MKRN1: variants seen among roughly 807,000 people sequenced by gnomAD.
MKRN1 encodes makorin ring finger protein 1, also known as E3 ubiquitin-protein ligase makorin-1.
In MKRN1, 9 loss-of-function variants were observed where a neutral mutation model predicts 55.5. The observed-to-expected ratio is 0.16, with a 90% CI of 0.10 to 0.28. The LOEUF (loss-of-function observed/expected upper bound fraction) is 0.28. Ranked by LOEUF, MKRN1 falls within the 10% of genes least tolerant of loss-of-function variation. The pLI is 1.00. For synonymous variants in MKRN1, 253 were observed against 235.9 expected (o/e 1.07, Z -0.66); for missense variants, 488 against 626.7 (o/e 0.78, Z 2.36).
chr7:140,474,965 T>C lies in MKRN1; in HGVS notation c.186-2954A>G, dbSNP rs188050998. On this transcript the variant is annotated intron_variant, in intron 1 of 7. Transcript: ENST00000255977. Reference sequence around the variant, plus strand: ...AACTCCTGACCTCAAGTGATCCACCTGCCTTGGCCTCCCAAAGTACTAGAA... The same window carrying C: ...AACTCCTGACCTCAAGTGATCCACCCGCCTTGGCCTCCCAAAGTACTAGAA... Among the ~76,000 whole-genome samples, 199 of 151,842 alleles carry C rather than the reference T, an allele frequency of 1.3e-3. 1 individual carries two copies. The highest frequency in any genetic ancestry group is 4.5e-3 in the African/African-American group (187 of 41,502).
intron 3 of MKRN1, among the ~76,000 whole-genome samples, chr7:140,459,467 T>C (rs1585468335): frequency 6.6e-6 from 1 of 152,338 alleles, no homozygotes; most frequent in East Asian, 1.9e-4. Flanking sequence ...GTAACTGAAA[T>C]TTAATTTCAA....
At chr7:140,474,005 A>AGAAAG (rs1554450296) in intron 1 of MKRN1, among the ~76,000 whole-genome samples, 2 of 65,658 alleles carry the variant, frequency 3.0e-5, no homozygotes, top group African/African-American at 9.6e-5. Flanking sequence ...AAAAAAAAAA[A>AGAAAG]AAAGAAAGAA....
Position 140,459,918 on chromosome 7 carries a change from T to C in MKRN1, c.333A>G (p.Pro111=). ...GDRCRYEHSK[P]LKQEEATATE... Reference sequence around the variant, plus strand: ...TAGCAGTTGCTTCTTCCTGTTTCAATGGTTTGCTATGTTCATATCTAAGAA... The same window carrying C: ...TAGCAGTTGCTTCTTCCTGTTTCAACGGTTTGCTATGTTCATATCTAAGAA... The change falls in exon 3 of 8, where the codon CCA becomes CCG. Residue 111 remains proline, a synonymous_variant. Coordinates refer to ENST00000255977, the MANE Select transcript of MKRN1 (RefSeq NM_013446.4). 1 of 1,613,838 alleles carries C rather than the reference T, an allele frequency of 6.2e-7. No individual in the cohort carries two copies. Among genetic ancestry groups the C allele is most frequent in the Non-Finnish European group, 8.5e-7 (1 of 1,179,798 alleles).
intron 2 of MKRN1, among the ~76,000 whole-genome samples, chr7:140,463,694 G>A (rs1266892534): frequency 2.6e-5 from 4 of 151,910 alleles, no homozygotes; most frequent in Admixed American, 1.3e-4. Flanking sequence ...GACCATCCTG[G>A]CTAACACGGT....
At chr7:140,467,499 A>G (rs1485110495) in intron 2 of MKRN1, among the ~76,000 whole-genome samples, 1 of 151,768 alleles carries the variant, frequency 6.6e-6, no homozygotes, top group African/African-American at 2.4e-5. Context: ...GCTGGTCTTG[A>G]AATCCTGACC....
chr7:140,456,113 C>CTTT (rs57991505), intron 5 of MKRN1: 226 of 845,174 alleles, frequency 2.7e-4, no homozygotes, highest in Non-Finnish European at 3.0e-4. Context: ...CTAGCCAGTT[C>CTTT]TTTTTTTTTT....
intron 2 of MKRN1, 52 bp downstream of exon 2, chr7:140,471,831 T>C (rs369383734): frequency 1.9e-6 from 3 of 1,594,588 alleles, no homozygotes; most frequent in African/African-American, 2.7e-5. Context: ...AGTATGTCTT[T>C]TACCTTTTTC....
At chr7:140,467,943 G>A (rs1281200975) in intron 2 of MKRN1, among the ~76,000 whole-genome samples, 2 of 149,858 alleles carry the variant, frequency 1.3e-5, no homozygotes, top group East Asian at 2.0e-4. Flanking sequence ...TGGAGGTTGC[G>A]GTGAGCCGAG....
chr7:140,471,195 G>A (rs1285273977), intron 2 of MKRN1, among the ~76,000 whole-genome samples: 6 of 151,988 alleles, frequency 3.9e-5, no homozygotes, highest in Admixed American at 3.3e-4. Context: ...ACCAGCCTAC[G>A]CAACATATTA....
chr7:140,459,466 A>T (rs558210742), intron 3 of MKRN1, among the ~76,000 whole-genome samples: 1 of 152,296 alleles, frequency 6.6e-6, no homozygotes, highest in South Asian at 2.1e-4. Flanking sequence ...GGTAACTGAA[A>T]TTTAATTTCA....
At chr7:140,473,400 G>A (rs1794993327) in intron 1 of MKRN1, 3 of 347,780 alleles carry the variant, frequency 8.6e-6, no homozygotes, top group Middle Eastern at 3.9e-4. Flanking sequence ...CCTAATAGTG[G>A]CCCCCAACAT....
chr7:140,472,691 G>C (rs1382946730), intron 1 of MKRN1, among the ~76,000 whole-genome samples: 2 of 151,516 alleles, frequency 1.3e-5, no homozygotes, highest in African/African-American at 4.8e-5. Context: ...CCTGGCCCTT[G>C]TTTTTGCATT....
rs1794398502 is a variant in MKRN1 at position 140,453,957 on chromosome 7, C to T, written c.*560G>A. The T allele has an allele frequency of 6.2e-6, 1 of 160,266 alleles. No individual in the cohort carries two copies. The highest frequency in any genetic ancestry group is 1.4e-5 in the Non-Finnish European group (1 of 71,600). 9.9% of individuals were successfully genotyped at this position (160,266 alleles called of 1,614,324 possible). ...TGATTCTGGTTACCCAGTAGTATTA[C>T]TTGTGTGCAATTAAACAAGAGACCA... is the stretch of plus-strand genomic sequence containing the variant. On this transcript the variant is annotated 3_prime_UTR_variant, in exon 8 of 8. Transcript: ENST00000255977.
Position 140,456,633 on chromosome 7 carries a change from G to T in MKRN1, c.986+19C>A. The T allele has an allele frequency of 6.2e-7, 1 of 1,612,068 alleles. No homozygotes were observed. The highest frequency in any genetic ancestry group is 1.1e-5 in the South Asian group (1 of 90,896). On this transcript the variant is annotated intron_variant, in intron 5 of 7. Transcript: ENST00000255977. ...CCCCAAAAGAGAAAGCACAAATGAA[G>T]ACTGGGGAGGAGTCTCACTTTATGA...
chr7:140,453,935 T>C lies in MKRN1; in HGVS notation c.*582A>G, dbSNP rs150116435. 4.6e-4 allele frequency: 72 copies of C among 157,794 alleles called. No homozygotes were observed. The East Asian group carries it at 7.6e-3, about 17-fold the overall frequency. 9.8% of individuals were successfully genotyped at this position (157,794 alleles called of 1,614,324 possible). On this transcript the variant is annotated 3_prime_UTR_variant, in exon 8 of 8. Transcript: ENST00000255977. ...AAAATCTCAACACATTCACACCTGA[T>C]TCTGGTTACCCAGTAGTATTACTTG...
chr7:140,479,124 T>A, intron 1 of MKRN1, 36 bp downstream of exon 1: 1 of 1,283,170 alleles, frequency 7.8e-7, no homozygotes, highest in Non-Finnish European at 9.8e-7. Context: ...CGCGGCCCCC[T>A]CCCCGCGCCC....
At chr7:140,461,465 C>A (rs1002693426) in intron 2 of MKRN1, among the ~76,000 whole-genome samples, 3 of 151,890 alleles carry the variant, frequency 2.0e-5, no homozygotes, top group Non-Finnish European at 4.4e-5. Context: ...GAAACCTGGT[C>A]TCTACTAAAA....
chr7:140,468,662 C>T (rs1794836708), intron 2 of MKRN1, among the ~76,000 whole-genome samples: 1 of 121,492 alleles, frequency 8.2e-6, no homozygotes, highest in Non-Finnish European at 1.6e-5. Flanking sequence ...GATCATGCCA[C>T]AGCACTCCAA....
chr7:140,478,961 C>T, intron 1 of MKRN1, 199 bp downstream of exon 1: 2 of 574,972 alleles, frequency 3.5e-6, no homozygotes, highest in Non-Finnish European at 5.0e-6. Flanking sequence ...GAGGGCTCCG[C>T]GGCCCAGCGG....
Sources: allele counts gnomAD v4.1 joint callset (sites outside exome capture counted in the v4.1 genomes callset), GRCh38; gene constraint gnomAD v4.1.1; transcripts MANE v1.5; gene names NCBI Gene and HGNC (gene_info 2026-07-23, HGNC 2026-07-21).